Variants in NDNF observed in about 807,000 individuals in gnomAD.
NDNF encodes neuron derived neurotrophic factor, also known as protein NDNF.
NDNF carries 16 observed loss-of-function variants against 42.0 expected under a neutral mutation model. The observed-to-expected ratio is 0.38, with a 90% CI of 0.26 to 0.58. The LOEUF is 0.58. NDNF is among the 20% of genes least tolerant of loss of function. The pLI, the probability that NDNF is intolerant of heterozygous loss-of-function variation, is 0.67. For missense variants in NDNF, 616 were observed against 666.2 expected (o/e 0.92, Z 0.83); for synonymous variants, 248 against 251.7 (o/e 0.99, Z 0.14).
At chr4:121,057,130 A>G (rs1015433064) in intron 1 of NDNF, among the ~76,000 whole-genome samples, 3 of 152,210 alleles carry the variant, frequency 2.0e-5, no homozygotes, top group African/African-American at 4.8e-5. Flanking sequence ...TATAATTAAT[A>G]TAATGATCCC....
chr4:121,039,226 AT>A (rs1726952238), intron 3 of NDNF, among the ~76,000 whole-genome samples: 7 of 134,364 alleles, frequency 5.2e-5, no homozygotes, highest in African/African-American at 1.7e-4. Context: ...ATATATATAT[AT>A]ATATATATAA....
At chr4:121,045,606 C>CTTT in intron 2 of NDNF, 44 bp downstream of exon 2, 1 of 1,541,916 alleles carries the variant, frequency 6.5e-7, no homozygotes, top group Admixed American at 1.8e-5. Flanking sequence ...TTGGAGGCAT[C>CTTT]CTTTGTGAGC....
rs371314146 is a variant in NDNF at position 121,055,857 on chromosome 4, T to C, written c.-1-10019A>G. 3.3e-5 allele frequency among the ~76,000 whole-genome samples: 5 copies of C among 152,144 alleles called. No individual in the cohort carries two copies. In the East Asian group the frequency reaches 5.8e-4, roughly 18 times the overall value. ...AAGTTGCTTCTTTGAACTTAAATTT[T>C]AAGTGAAGGGATGCATATTATTTGA... On this transcript the variant is annotated intron_variant, in intron 1 of 3. Coordinates refer to ENST00000379692, the MANE Select transcript of NDNF (RefSeq NM_024574.4).
chr4:121,039,416 CTTTGTTTTCATCTTGGCCTT>C (rs1169224109), intron 3 of NDNF, among the ~76,000 whole-genome samples: 1 of 151,520 alleles, frequency 6.6e-6, no homozygotes, highest in Non-Finnish European at 1.5e-5. Flanking sequence ...ATCCTACTAA[CTTTGTTTTCATCTTGGCCTT>C]TAACTGCTAC....
At chr4:121,065,768 A>G (rs1482272853) in intron 1 of NDNF, among the ~76,000 whole-genome samples, 1 of 152,012 alleles carries the variant, frequency 6.6e-6, no homozygotes, top group African/African-American at 2.4e-5. Flanking sequence ...TTATACATAT[A>G]TATGTATAAA....
chr4:121,049,470 G>A (rs774796348), intron 1 of NDNF, among the ~76,000 whole-genome samples: 1 of 152,106 alleles, frequency 6.6e-6, no homozygotes, highest in Admixed American at 6.5e-5. Flanking sequence ...GGGAGCCAGT[G>A]GAAGAAAATA....
At chr4:121,058,029 T>A (rs1511092) in intron 1 of NDNF, among the ~76,000 whole-genome samples, 130,394 of 152,184 alleles carry the variant, frequency 0.86, 56,033 homozygotes, top group Non-Finnish European at 0.88. Context: ...AGTTATTTTT[T>A]TATTTTTCTT....
intron 1 of NDNF, among the ~76,000 whole-genome samples, chr4:121,067,300 T>C (rs1273687085): frequency 6.6e-6 from 1 of 152,204 alleles, no homozygotes; most frequent in Non-Finnish European, 1.5e-5. Context: ...GCCACATTTT[T>C]TTAAAGAAAA....
Position 121,039,799 on chromosome 4 carries a change from C to T in NDNF, c.313+131G>A, listed in dbSNP as rs78009663. The stretch of plus-strand genomic sequence containing the variant: ...GCCACCCTCCCACTTCCCTTATCTC[C>T]GTCTCATACCTCCAGATTCACTTGT... On this transcript the variant is annotated intron_variant, in intron 3 of 3. Coordinates refer to ENST00000379692, the MANE Select transcript of NDNF (RefSeq NM_024574.4). 3,080 of 1,011,994 alleles carry T rather than the reference C, an allele frequency of 3.0e-3. 86 individuals are homozygous for T. The African/African-American group carries it at 0.045, about 15-fold the overall frequency. The allele number at this position is 1,011,994 out of a possible 1,614,324, so 62.7% of individuals were successfully genotyped here.
In NDNF at chr4:121,036,075, G is replaced by A. The variant is rs1171347632; in HGVS notation, c.*189C>T. 1.8e-6 allele frequency: 1 copy of A among 561,394 alleles called. No homozygotes were observed. Among genetic ancestry groups the A allele is most frequent in the African/African-American group, 1.9e-5 (1 of 52,978 alleles). The allele number at this position is 561,394 out of a possible 1,614,324, so 34.8% of individuals were successfully genotyped here. On this transcript the variant is annotated 3_prime_UTR_variant, in exon 4 of 4. Transcript: ENST00000379692. The stretch of plus-strand genomic sequence containing the variant: ...ATCAGACACACACTAGGTACCATGG[G>A]GCACGCTAGAACAAGTCTCCTTCAA...
chr4:121,071,769 T>TAAAA (rs369846490), intron 1 of NDNF: 1,648 of 143,028 alleles, frequency 0.012, 25 homozygotes, highest in African/African-American at 0.028. Flanking sequence ...ACAACAACAA[T>TAAAA]AAAAAAAAAA....
rs1426667729 is a variant in NDNF at position 121,045,743 on chromosome 4, A to T, written c.95T>A (p.Met32Lys). ...AAAAAATGCCTTGTCCCGGATCTGC[A>T]TCTGAAAAAGTTCCTCATCCCGGGT... ...LPTRDEELFQ[M>K]QIRDKAFFHD... The change falls in exon 2 of 4, where the codon ATG (methionine) becomes AAG (lysine). Residue 32 changes from methionine (M) to lysine (K), a missense_variant. Physicochemically the swap from Met to Lys is moderately conservative, Grantham distance 95. Coordinates refer to ENST00000379692, the MANE Select transcript of NDNF (RefSeq NM_024574.4). 1 of 1,614,222 alleles carries T rather than the reference A, an allele frequency of 6.2e-7. No individual in the cohort carries two copies. Among genetic ancestry groups the T allele is most frequent in the Non-Finnish European group, 8.5e-7 (1 of 1,180,038 alleles).
At chr4:121,045,191 A>G (rs1199978585) in intron 2 of NDNF, among the ~76,000 whole-genome samples, 2 of 152,120 alleles carry the variant, frequency 1.3e-5, no homozygotes, top group Non-Finnish European at 2.9e-5. Context: ...TCTCTATTAA[A>G]AATACAAAAA....
rs577018634 is a variant in NDNF, at chr4:121,035,706, T to C, written c.*558A>G. The C allele has an allele frequency of 2.0e-5, 3 of 152,708 alleles. No homozygotes were observed. The allele number at this position is 152,708 out of a possible 1,614,324, so 9.5% of individuals were successfully genotyped here. On this transcript the variant is annotated 3_prime_UTR_variant, in exon 4 of 4. Coordinates refer to ENST00000379692, the MANE Select transcript of NDNF (RefSeq NM_024574.4). ...AACTTTGTACATGAGATACATATAG[T>C]ATTTAAACATTTTACTCAACAAACA...
At position 121,039,855 on chromosome 4, in the gene NDNF, T is replaced by C. The variant is rs182659289; in HGVS notation, c.313+75A>G. ...CATGCTGCCTTTTCTTACTAACACA[T>C]AGAAGGTTGTATGTTTCACAAGCAT... On this transcript the variant is annotated intron_variant, in intron 3 of 3. Transcript: ENST00000379692. The C allele has an allele frequency of 6.2e-4, 949 of 1,519,750 alleles. 8 individuals are homozygous for C. In the African/African-American group the frequency reaches 0.012, roughly 19 times the overall value. 94.1% of individuals were successfully genotyped at this position (1,519,750 alleles called of 1,614,324 possible).
In NDNF at chr4:121,064,240, C is replaced by T. The variant is rs538734501; in HGVS notation, c.-2+7753G>A. 5.9e-5 allele frequency among the ~76,000 whole-genome samples: 9 copies of T among 152,230 alleles called. No homozygotes were observed. In the East Asian group the frequency reaches 9.6e-4, roughly 16 times the overall value. ...CAGGAGTAGAAGGATAGAATATCTT[C>T]CTCACTGGGTTGCTGTGAGGGTTAA... On this transcript the variant is annotated intron_variant, in intron 1 of 3. Coordinates refer to ENST00000379692, the MANE Select transcript of NDNF (RefSeq NM_024574.4).
At chr4:121,065,649 C>T (rs1309392883) in intron 1 of NDNF, among the ~76,000 whole-genome samples, 2 of 150,720 alleles carry the variant, frequency 1.3e-5, no homozygotes, top group Non-Finnish European at 3.0e-5. Flanking sequence ...CACAAATTGC[C>T]CATTATGGTG....
chr4:121,069,133 A>C (rs1454372072), intron 1 of NDNF, among the ~76,000 whole-genome samples: 3 of 152,220 alleles, frequency 2.0e-5, no homozygotes, highest in African/African-American at 7.2e-5. Context: ...AGAAAACTAA[A>C]ATCTGAAACA....
At chr4:121,038,086 G>T (rs1274667794) in intron 3 of NDNF, 1 of 156,254 alleles carries the variant, frequency 6.4e-6, no homozygotes, top group Non-Finnish European at 1.4e-5. Flanking sequence ...ATTTGGCTGG[G>T]TGTCATGGCT....
Sources: gnomAD v4.1 joint callset for allele counts (sites outside exome capture counted in the v4.1 genomes callset) on GRCh38, gnomAD v4.1.1 for gene constraint, MANE v1.5 for transcripts, NCBI Gene and HGNC (gene_info 2026-07-23, HGNC 2026-07-21) for gene names.